NRXN2: variants seen among roughly 807,000 people sequenced by gnomAD.
NRXN2 encodes the protein neurexin-2-beta.
In NRXN2, 29 loss-of-function variants were observed where a neutral mutation model predicts 128.8. The ratio of observed to expected loss-of-function variants is 0.23; its 90% CI spans 0.17 to 0.31. The LOEUF (loss-of-function observed/expected upper bound fraction) is 0.31, where lower values mean the gene tolerates loss of function less well. Ranked by LOEUF, NRXN2 falls within the 10% of genes least tolerant of loss-of-function variation. NRXN2 has a pLI of 1.00. For missense variants in NRXN2, 1,881 were observed against 2,452.6 expected (o/e 0.77, Z 4.92); for synonymous variants, 1,098 against 1,075.2 (o/e 1.02, Z -0.41).
chr11:64,715,868 G>A (rs1045061358), intron 1 of NRXN2, among the ~76,000 whole-genome samples: 7 of 152,142 alleles, frequency 4.6e-5, no homozygotes, highest in Admixed American at 1.3e-4. Flanking sequence ...TAACATGTGC[G>A]GGCTAATTAG....
At chr11:64,636,500 G>A (rs1012740115) in intron 17 of NRXN2, among the ~76,000 whole-genome samples, 2 of 152,076 alleles carry the variant, frequency 1.3e-5, no homozygotes, top group Admixed American at 6.5e-5. Flanking sequence ...AGAAGGGAAG[G>A]GTAGAGAACA....
At chr11:64,642,682 AGCAACAGCG>A (rs748980445) in intron 17 of NRXN2, 7 of 1,555,208 alleles carry the variant, frequency 4.5e-6, no homozygotes, top group East Asian at 2.5e-5. Flanking sequence ...CAGCAACAGC[AGCAACAGCG>A]GCAACAGCGG....
chr11:64,639,454 G>T lies in NRXN2; in HGVS notation c.3404-4002C>A, dbSNP rs373537584. On this transcript the variant is annotated intron_variant, in intron 17 of 22. Transcript: ENST00000265459. The stretch of plus-strand genomic sequence containing the variant: ...AGCTACTGACTCAGAAATTAGCAGG[G>T]ATTGACCACTCCATTCCTGGCCCGA... Among the ~76,000 whole-genome samples the T allele has an allele frequency of 5.3e-5, 8 of 152,290 alleles. No individual in the cohort carries two copies. In the East Asian group the frequency reaches 7.7e-4, roughly 15 times the overall value.
At chr11:64,644,412 T>A (rs1427381106) in intron 17 of NRXN2, among the ~76,000 whole-genome samples, 1 of 151,138 alleles carries the variant, frequency 6.6e-6, no homozygotes, top group Non-Finnish European at 1.5e-5. Flanking sequence ...AACCTCTCCC[T>A]CCATGGGGGG....
intron 1 of NRXN2, among the ~76,000 whole-genome samples, chr11:64,717,116 C>T (rs1180297967): frequency 4.6e-5 from 7 of 152,174 alleles, no homozygotes; most frequent in Non-Finnish European, 5.9e-5. Flanking sequence ...TTGCCTCACA[C>T]GACCACATCA....
Position 64,699,855 on chromosome 11 carries a change from T to C in NRXN2, c.731-2063A>G, listed in dbSNP as rs1471684099. Among the ~76,000 whole-genome samples, 3 of 152,328 alleles carry C rather than the reference T, an allele frequency of 2.0e-5. No homozygotes were observed. In the East Asian group the frequency reaches 5.8e-4, roughly 29 times the overall value. ...CCCAGTATGCTAAGACCCTGGTCAG[T>C]CAGCACAATTGTCTCACCAGCACCT... On this transcript the variant is annotated intron_variant, in intron 2 of 22. Transcript: ENST00000265459.
chr11:64,717,415 A>G (rs2057331794), intron 1 of NRXN2, among the ~76,000 whole-genome samples: 1 of 152,102 alleles, frequency 6.6e-6, no homozygotes, highest in Admixed American at 6.5e-5. Flanking sequence ...GTACCCAGTC[A>G]GCTCCCTAGT....
rs115640883 is a variant in NRXN2 at position 64,633,694 on chromosome 11, G to T, written c.3585+1577C>A. On this transcript the variant is annotated intron_variant, in intron 18 of 22. Transcript: ENST00000265459. Reference sequence around the variant, plus strand: ...ACTCCATCAGAAATCATGAGATCCAGTCTCTGTCTTCATCCCCCACTGTCA... The same window carrying T: ...ACTCCATCAGAAATCATGAGATCCATTCTCTGTCTTCATCCCCCACTGTCA... 2.2e-3 allele frequency among the ~76,000 whole-genome samples: 339 copies of T among 152,180 alleles called. 3 individuals carry two copies. Among genetic ancestry groups the T allele is most frequent in the African/African-American group, 7.8e-3 (325 of 41,506 alleles).
chr11:64,692,177 C>A (rs1285378367), intron 4 of NRXN2, among the ~76,000 whole-genome samples: 1 of 152,190 alleles, frequency 6.6e-6, no homozygotes, highest in Non-Finnish European at 1.5e-5. Context: ...ACTAACAAGT[C>A]ATTTCATCTC....
At chr11:64,617,355 A>T (rs2041699546) in intron 22 of NRXN2, among the ~76,000 whole-genome samples, 1 of 152,158 alleles carries the variant, frequency 6.6e-6, no homozygotes, top group Non-Finnish European at 1.5e-5. Context: ...GCAAAGTCAG[A>T]TCCCCTCAGG....
In NRXN2 at chr11:64,667,736, G is replaced by A; in HGVS notation, c.1360-48C>T. Reference sequence around the variant, plus strand: ...GGATAAAGAATCCGAAAGCAGCTTAGGGCCTGGCCACTCCCACCCAGCAGC... The same window carrying A: ...GGATAAAGAATCCGAAAGCAGCTTAAGGCCTGGCCACTCCCACCCAGCAGC... On this transcript the variant is annotated intron_variant, in intron 8 of 22. Transcript: ENST00000265459. This position sits in a 1 kb window ranked among gnomAD's most constrained non-coding sequence, Gnocchi z 5.6. 6.3e-7 allele frequency: 1 copy of A among 1,590,786 alleles called. No homozygotes were observed. Among genetic ancestry groups the A allele is most frequent in the South Asian group, 1.1e-5 (1 of 90,256 alleles).
rs2039760117 is a variant in NRXN2, at chr11:64,607,223, C to T, written c.5112G>A (p.Lys1704=). 1 of 1,613,748 alleles carries T rather than the reference C, an allele frequency of 6.2e-7. No individual in the cohort carries two copies. The highest frequency in any genetic ancestry group is 8.5e-7 in the Non-Finnish European group (1 of 1,179,884). ...AAPKTPSKAK[K]NKDKEYYV ...AGACATAATACTCCTTGTCTTTGTT[C>T]TTCTTGGCCTTGCTGGGCGTCTTGG... The change falls in exon 23 of 23, where the codon AAG becomes AAA. Residue 1704 remains lysine (K), a synonymous_variant. Transcript: ENST00000265459.
At chr11:64,701,963 GC>G (rs1317361257) in intron 2 of NRXN2, among the ~76,000 whole-genome samples, 1 of 139,554 alleles carries the variant, frequency 7.2e-6, no homozygotes, top group Admixed American at 7.0e-5. Flanking sequence ...GGGGGGGTCA[GC>G]CCCCCGCCCG....
Position 64,648,025 on chromosome 11 carries a change from A to T in NRXN2, c.3403+194T>A, listed in dbSNP as rs2046952906. On this transcript the variant is annotated intron_variant, in intron 17 of 22. Transcript: ENST00000265459. This position sits in a 1 kb window ranked among gnomAD's most constrained non-coding sequence, Gnocchi z 4.1. ...GAGCTTCAGGCAGCAGCAATCCTGC[A>T]CAGCCCCAGGAGAAAGACCCTATGA... 6.6e-6 allele frequency among the ~76,000 whole-genome samples: 1 copy of T among 152,240 alleles called. No individual in the cohort carries two copies. Among genetic ancestry groups the T allele is most frequent in the African/African-American group, 2.4e-5 (1 of 41,456 alleles).
chr11:64,667,464 C>A lies in NRXN2; in HGVS notation c.1584G>T (p.Gly528=). The part of the protein sequence containing the change: ...SLDFRTTEPN[G]LLLFSQGRRA... ...GCCGGCCCTGGCTGAAGAGCAGCAG[C>A]CCATTGGGCTCGGTGGTGCGGAAGT... Residue 528 remains glycine, a synonymous_variant, in exon 9 of 23, where the codon GGG becomes GGT. Transcript: ENST00000265459. The surrounding 1 kb of genome is among the most constrained non-coding windows in gnomAD (Gnocchi z 5.6). 1 of 1,614,118 alleles carries A rather than the reference C, an allele frequency of 6.2e-7. No homozygotes were observed.
chr11:64,620,146 G>A, intron 22 of NRXN2, 148 bp downstream of exon 22: 1 of 685,296 alleles, frequency 1.5e-6, no homozygotes, highest in East Asian at 2.7e-5. Flanking sequence ...TGAGGGACTG[G>A]GAGGATGTTA....
rs546058763 is a variant in NRXN2 at position 64,670,815 on chromosome 11, C to T, written c.1198-2211G>A. ...AAACTCAAGTGCACTCCTGCTTCAG[C>T]GCAGGGAAAGGGCTCTTCTGGTCCC... On this transcript the variant is annotated intron_variant, in intron 7 of 22. Coordinates refer to ENST00000265459, the MANE Select transcript of NRXN2 (RefSeq NM_015080.4). 1.1e-3 allele frequency among the ~76,000 whole-genome samples: 169 copies of T among 152,320 alleles called. 3 individuals are homozygous for T. In the South Asian group the frequency reaches 0.031, roughly 28 times the overall value.
chr11:64,661,480 A>G, intron 9 of NRXN2: 1 of 1,029,598 alleles, frequency 9.7e-7, no homozygotes, highest in East Asian at 4.8e-5. Context: ...AAAGGGTTGG[A>G]TCATTCACTG....
intron 5 of NRXN2, chr11:64,688,226 T>A: frequency 3.2e-6 from 3 of 929,810 alleles, no homozygotes; most frequent in Non-Finnish European, 3.8e-6. Flanking sequence ...GCCTCCAGTC[T>A]CCTGGGGTGG....
Sources: gnomAD v4.1 joint callset for allele counts (sites outside exome capture counted in the v4.1 genomes callset) on GRCh38, gnomAD v4.1.1 for gene constraint, Gnocchi (gnomAD v3.1) non-coding constraint, MANE v1.5 for transcripts, NCBI Gene and HGNC (gene_info 2026-07-23, HGNC 2026-07-21) for gene names.